The following FBXO42 variants were observed in gnomAD, a reference collection of about 807,000 sequenced individuals.
The protein encoded by FBXO42 is F-box only protein 42.
FBXO42 carries 12 observed loss-of-function variants against 71.7 expected under a neutral mutation model. That is an observed-to-expected ratio of 0.17 (90% CI 0.11 to 0.27). The LOEUF (loss-of-function observed/expected upper bound fraction) is 0.27, where lower values mean the gene tolerates loss of function less well. FBXO42 is among the 10% of genes least tolerant of loss of function. The pLI is 1.00. For synonymous variants in FBXO42, 325 were observed against 327.5 expected (o/e 0.99, Z 0.08); for missense variants, 707 against 911.9 (o/e 0.78, Z 2.89).
intron 1 of FBXO42, 140 bp from the exon 2 acceptor site, chr1:16,315,575 T>C (rs2082355778): frequency 5.4e-6 from 4 of 743,552 alleles, no homozygotes; most frequent in African/African-American, 5.3e-5. Context: ...CAATACCACT[T>C]GTGAGCCACC....
chr1:16,305,707 T>C (rs2082242916), intron 3 of FBXO42, 96 bp downstream of exon 3: 9 of 1,041,732 alleles, frequency 8.6e-6, no homozygotes, highest in Non-Finnish European at 1.2e-5. Flanking sequence ...GAGTGAGACC[T>C]TGTCTCAAAA....
intron 3 of FBXO42, among the ~76,000 whole-genome samples, chr1:16,301,741 C>T (rs2082197811): frequency 6.6e-6 from 1 of 151,022 alleles, no homozygotes; most frequent in African/African-American, 2.4e-5. Flanking sequence ...TGTCTATCTT[C>T]AAGTAGACGA....
chr1:16,294,112 A>C (rs2100529872), intron 4 of FBXO42: 1 of 152,382 alleles, frequency 6.6e-6, no homozygotes, highest in Non-Finnish European at 1.5e-5. Context: ...AATACTTTAT[A>C]CTCAGTGGAC....
At chr1:16,337,876 T>G (rs2082565567) in intron 1 of FBXO42, among the ~76,000 whole-genome samples, 1 of 42,150 alleles carries the variant, frequency 2.4e-5, no homozygotes, top group African/African-American at 6.2e-5. Context: ...AGAGCGAGAC[T>G]CCGTCTCAAA....
chr1:16,317,018 C>T (rs192310792), intron 1 of FBXO42, among the ~76,000 whole-genome samples: 4 of 152,292 alleles, frequency 2.6e-5, no homozygotes, highest in South Asian at 2.1e-4. Flanking sequence ...CAGTGGCTCA[C>T]GCCTGTAATC....
At chr1:16,341,925 C>T (rs865897117) in intron 1 of FBXO42, among the ~76,000 whole-genome samples, 1 of 143,360 alleles carries the variant, frequency 7.0e-6, no homozygotes, top group Non-Finnish European at 1.5e-5. Context: ...GAGCCAAGAT[C>T]GCGTCATTGT....
chr1:16,344,616 G>A (rs1252825415), intron 1 of FBXO42, among the ~76,000 whole-genome samples: 6 of 151,464 alleles, frequency 4.0e-5, no homozygotes, highest in African/African-American at 7.3e-5. Context: ...GATTACAGGC[G>A]TGAGCCACAG....
At chr1:16,299,794 G>A (rs1014764290) in intron 3 of FBXO42, among the ~76,000 whole-genome samples, 4 of 151,962 alleles carry the variant, frequency 2.6e-5, no homozygotes, top group African/African-American at 4.8e-5. Context: ...ACAGGCACGC[G>A]CTACCATGCC....
chr1:16,285,605 GGCTTCCATCTTTATCACTCACCCCACAA>G (rs2082013715), intron 4 of FBXO42, among the ~76,000 whole-genome samples: 1 of 152,044 alleles, frequency 6.6e-6, no homozygotes, highest in South Asian at 2.1e-4. Context: ...ATTACAAACT[GGCTTCCATCTTTATCACTCACCCCACAA>G]GCTTTCTTTA....
chr1:16,337,944 C>T (rs1457470281), intron 1 of FBXO42, among the ~76,000 whole-genome samples: 5 of 138,190 alleles, frequency 3.6e-5, no homozygotes, highest in Non-Finnish European at 6.2e-5. Flanking sequence ...CAGTGGCTCA[C>T]GCCTACACTT....
intron 4 of FBXO42, among the ~76,000 whole-genome samples, chr1:16,280,725 A>G (rs1470704495): frequency 6.6e-6 from 1 of 152,142 alleles, no homozygotes; most frequent in Non-Finnish European, 1.5e-5. Context: ...CAGTGAGCCA[A>G]CATCCGCCAC....
intron 1 of FBXO42, among the ~76,000 whole-genome samples, chr1:16,343,507 C>A (rs1367762552): frequency 6.6e-6 from 1 of 152,106 alleles, no homozygotes; most frequent in Non-Finnish European, 1.5e-5. Context: ...GATTGCACCA[C>A]TGCACTCCAG....
chr1:16,331,840 C>T (rs946273535), intron 1 of FBXO42, among the ~76,000 whole-genome samples: 2 of 151,818 alleles, frequency 1.3e-5, no homozygotes, highest in East Asian at 1.9e-4. Context: ...CACCTGAGGT[C>T]AGGAGTTCGA....
chr1:16,334,249 C>T (rs1013736175), intron 1 of FBXO42, among the ~76,000 whole-genome samples: 26 of 151,738 alleles, frequency 1.7e-4, no homozygotes, highest in Admixed American at 2.6e-4. Flanking sequence ...CTGGTTAACA[C>T]GGTGAAACCC....
intron 4 of FBXO42, among the ~76,000 whole-genome samples, chr1:16,281,472 G>GC: frequency 7.3e-6 from 1 of 136,282 alleles, no homozygotes; most frequent in East Asian, 2.1e-4. Flanking sequence ...TTCTTTTTTT[G>GC]TTTTTTTTTT....
chr1:16,264,216 T>C (rs955938951), intron 4 of FBXO42, among the ~76,000 whole-genome samples: 38 of 152,222 alleles, frequency 2.5e-4, no homozygotes, highest in Non-Finnish European at 8.8e-5. Context: ...GCTACAGTTA[T>C]AGCACATAGG....
chr1:16,347,137 T>G (rs560105827), intron 1 of FBXO42, among the ~76,000 whole-genome samples: 1 of 152,274 alleles, frequency 6.6e-6, no homozygotes, highest in Non-Finnish European at 1.5e-5. Flanking sequence ...TAAATACACT[T>G]ATCTGTGTGT....
intron 1 of FBXO42, among the ~76,000 whole-genome samples, chr1:16,335,181 G>T (rs1030269411): frequency 1.3e-5 from 2 of 151,620 alleles, no homozygotes; most frequent in Non-Finnish European, 2.9e-5. Flanking sequence ...GTATCCCAGC[G>T]ACTCAGGAGT....
intron 1 of FBXO42, among the ~76,000 whole-genome samples, chr1:16,318,198 C>T (rs991841817): frequency 1.3e-5 from 2 of 152,152 alleles, no homozygotes; most frequent in African/African-American, 4.8e-5. Flanking sequence ...GCGGGTGGAT[C>T]ACCTGAGGTC....
Sources: gnomAD v4.1 joint callset for allele counts (sites outside exome capture counted in the v4.1 genomes callset) on GRCh38, gnomAD v4.1.1 for gene constraint, MANE v1.5 for transcripts, NCBI Gene and HGNC (gene_info 2026-07-23, HGNC 2026-07-21) for gene names.